Variants in ANKRD62 observed in about 807,000 individuals in gnomAD.
ANKRD62 encodes ankyrin repeat domain-containing protein 62.
In ANKRD62, 61 loss-of-function variants were observed where a neutral mutation model predicts 98.8. The observed-to-expected ratio is 0.62, with a 90% confidence interval of 0.50 to 0.76. ANKRD62 has a LOEUF of 0.76. ANKRD62 is among the 30% of genes least tolerant of loss of function. The probability of loss-of-function intolerance (pLI) is 0.00; values close to 1 mark genes in which losing one functional copy is unlikely to be tolerated. For synonymous variants in ANKRD62, 341 were observed against 367.9 expected (o/e 0.93, Z 0.84); for missense variants, 933 against 1,082.9 (o/e 0.86, Z 1.94).
the ANKRD62 span, among the ~76,000 whole-genome samples, chr18:12,158,780 G>A: frequency 6.6e-5 from 10 of 150,862 alleles, no homozygotes; most frequent in South Asian, 2.1e-4. Flanking sequence ...GTGATCCACC[G>A]GCCTTGGCCT....
the ANKRD62 span, among the ~76,000 whole-genome samples, chr18:12,172,159 C>T: frequency 7.9e-5 from 12 of 152,330 alleles, no homozygotes; most frequent in Admixed American, 2.0e-4. Context: ...AGTCATTCTC[C>T]GTCCAACTTT....
At chr18:12,121,291 C>A (rs1356087140) in intron 10 of ANKRD62, among the ~76,000 whole-genome samples, 5 of 152,076 alleles carry the variant, frequency 3.3e-5, no homozygotes, top group Admixed American at 3.3e-4. Flanking sequence ...AGTAATTTGC[C>A]ACTCCTGAGG....
At chr18:12,134,254 A>T (rs1303301318), downstream of ANKRD62, among the ~76,000 whole-genome samples, 2 of 152,232 alleles carry the variant, frequency 1.3e-5, no homozygotes, top group Non-Finnish European at 2.9e-5. Context: ...CTTATCAAGA[A>T]GGAAATAATT....
chr18:12,107,716 G>T (rs1909446150), intron 8 of ANKRD62, among the ~76,000 whole-genome samples: 1 of 152,140 alleles, frequency 6.6e-6, no homozygotes, highest in Non-Finnish European at 1.5e-5. Flanking sequence ...GTTGCTAAAT[G>T]AAATTGGTAA....
the ANKRD62 span, among the ~76,000 whole-genome samples, chr18:12,146,812 G>C: frequency 2.6e-5 from 4 of 152,362 alleles, no homozygotes; most frequent in South Asian, 8.3e-4. Context: ...CCTGGCAGGG[G>C]TCTTCAACTA....
intron 3 of ANKRD62, 63 bp from the exon 4 acceptor site, chr18:12,096,132 GT>G: frequency 9.0e-7 from 1 of 1,109,452 alleles, no homozygotes; most frequent in Non-Finnish European, 1.3e-6. Context: ...TTAACATAAG[GT>G]TTTCAGTTCA....
chr18:12,140,380 T>C, the ANKRD62 span, among the ~76,000 whole-genome samples: 1 of 152,244 alleles, frequency 6.6e-6, no homozygotes, highest in African/African-American at 2.4e-5. Flanking sequence ...CTTTGTTCCA[T>C]TGCTGGTGAG....
At chr18:12,133,000 A>G (rs1384485842), downstream of ANKRD62, among the ~76,000 whole-genome samples, 1 of 152,256 alleles carries the variant, frequency 6.6e-6, no homozygotes, top group Admixed American at 6.5e-5. Flanking sequence ...ATGTCATACA[A>G]CAATCACTAC....
chr18:12,177,211 G>A, the ANKRD62 span, among the ~76,000 whole-genome samples: 29 of 151,878 alleles, frequency 1.9e-4, no homozygotes, highest in Non-Finnish European at 3.5e-4. Context: ...TCCAGTGACA[G>A]AGATGTGGAA....
In ANKRD62 at chr18:12,125,508, T is replaced by C. The variant is rs925330962; in HGVS notation, c.1687T>C (p.Leu563=). The C allele has an allele frequency of 2.7e-6, 4 of 1,494,454 alleles. No homozygotes were observed. The highest frequency in any genetic ancestry group is 2.6e-5 in the Admixed American group (1 of 38,806). 92.6% of individuals were successfully genotyped at this position (1,494,454 alleles called of 1,614,324 possible). A position where few individuals can be genotyped will look rare whatever the true frequency, so the allele number is the denominator to read the frequency against. ...AAGAGACCTGTGGCAGGAAAATCACTTGATGCGGGATGAAATTGCCAGACT... is the reference window on the plus strand; with the variant it reads ...AAGAGACCTGTGGCAGGAAAATCACCTGATGCGGGATGAAATTGCCAGACT... ...RERDLWQENH[L]MRDEIARLRL... The change falls in exon 13 of 14, where the codon TTG becomes CTG. Residue 563 remains leucine (L), a synonymous_variant. Coordinates refer to ENST00000587848, the MANE Select transcript of ANKRD62 (RefSeq NM_001277333.2).
At chr18:12,113,426 G>A (rs566914238) in intron 8 of ANKRD62, among the ~76,000 whole-genome samples, 6 of 152,124 alleles carry the variant, frequency 3.9e-5, no homozygotes, top group African/African-American at 1.4e-4. Context: ...AGGAGTTTGA[G>A]ACCAGCCTGA....
intron 10 of ANKRD62, among the ~76,000 whole-genome samples, chr18:12,117,464 T>TA (rs1256419876): frequency 6.6e-6 from 1 of 152,238 alleles, no homozygotes; most frequent in Admixed American, 6.5e-5. Context: ...TTCTTTTTCT[T>TA]ACCTGACTGC....
At chr18:12,113,621 G>A (rs1598734782) in intron 8 of ANKRD62, among the ~76,000 whole-genome samples, 2 of 151,644 alleles carry the variant, frequency 1.3e-5, no homozygotes, top group Non-Finnish European at 2.9e-5. Context: ...CTGAGACTCC[G>A]TCTCAAAAAA....
At chr18:12,139,006 G>A in the ANKRD62 span, among the ~76,000 whole-genome samples, 1 of 152,142 alleles carries the variant, frequency 6.6e-6, no homozygotes. Context: ...CAATTTGCCA[G>A]TCTGTGCCTT....
intron 12 of ANKRD62, among the ~76,000 whole-genome samples, chr18:12,125,230 T>C (rs192598469): frequency 1.3e-5 from 2 of 151,952 alleles, no homozygotes; most frequent in South Asian, 2.1e-4. Flanking sequence ...AGTGGTTTCT[T>C]TTTTTTTGCT....
At chr18:12,132,791 G>C (rs528410914), downstream of ANKRD62, among the ~76,000 whole-genome samples, 1 of 151,942 alleles carries the variant, frequency 6.6e-6, no homozygotes, top group Non-Finnish European at 1.5e-5. Context: ...GGGGGAGAAG[G>C]TTAAGTTGAT....
At chr18:12,162,426 T>C in the ANKRD62 span, among the ~76,000 whole-genome samples, 128,424 of 152,054 alleles carry the variant, frequency 0.84, 54,668 homozygotes, top group Middle Eastern at 0.97. Flanking sequence ...TTATTAATGT[T>C]TTGTCAGATG....
chr18:12,133,420 G>A (rs561655895), downstream of ANKRD62, among the ~76,000 whole-genome samples: 346 of 152,194 alleles, frequency 2.3e-3, 1 homozygote, highest in African/African-American at 7.8e-3. Context: ...AGTGGGAATC[G>A]AGGTCAAATA....
the ANKRD62 span, among the ~76,000 whole-genome samples, chr18:12,167,420 A>G: frequency 1.6e-3 from 244 of 152,260 alleles, 4 homozygotes; most frequent in Admixed American, 0.012. Flanking sequence ...TTTGCTCAGA[A>G]TGATGATTTC....
Sources: gnomAD v4.1 joint callset for allele counts (sites outside exome capture counted in the v4.1 genomes callset) on GRCh38, gnomAD v4.1.1 for gene constraint, MANE v1.5 for transcripts, NCBI Gene and HGNC (gene_info 2026-07-23, HGNC 2026-07-21) for gene names.